SLC35F4: variants seen among roughly 807,000 people sequenced by gnomAD.
The protein encoded by SLC35F4 is chromosome 14 open reading frame 36.
A neutral mutation model predicts 44.2 loss-of-function variants in SLC35F4; 24 were observed. The ratio of observed to expected loss-of-function variants is 0.54; its 90% CI spans 0.39 to 0.76. SLC35F4 has a LOEUF of 0.76. Ranked by LOEUF, SLC35F4 falls within the 30% of genes least tolerant of loss-of-function variation. The pLI is 0.00. For missense variants in SLC35F4, 562 were observed against 586.1 expected, an observed-to-expected ratio of 0.96 and a Z score of 0.42; for synonymous variants, 238 against 223.6, an observed-to-expected ratio of 1.06 and a Z score of -0.57.
intron 1 of SLC35F4, among the ~76,000 whole-genome samples, chr14:57,956,356 A>G (rs888187472): frequency 1.3e-5 from 2 of 152,220 alleles, no homozygotes; most frequent in Admixed American, 1.3e-4. Context: ...AACCTAGGCA[A>G]TACCATTCAG....
At chr14:57,662,500 G>A (rs1224199359) in intron 1 of SLC35F4, among the ~76,000 whole-genome samples, 1 of 152,182 alleles carries the variant, frequency 6.6e-6, no homozygotes, top group Non-Finnish European at 1.5e-5. Flanking sequence ...AGAGCAGGTT[G>A]TTATAAGCCT....
chr14:57,705,625 T>C (rs2075653292), intron 1 of SLC35F4, among the ~76,000 whole-genome samples: 1 of 152,158 alleles, frequency 6.6e-6, no homozygotes, highest in South Asian at 2.1e-4. Context: ...GACCCCAGCT[T>C]GCTCAGGGTT....
At chr14:57,651,322 C>A (rs1230110405) in intron 1 of SLC35F4, among the ~76,000 whole-genome samples, 1 of 152,108 alleles carries the variant, frequency 6.6e-6, no homozygotes, top group Non-Finnish European at 1.5e-5. Context: ...CTGGAGTTTC[C>A]AGTGAGGTAT....
intron 1 of SLC35F4, among the ~76,000 whole-genome samples, chr14:57,741,412 A>C (rs2076604444): frequency 6.6e-6 from 1 of 152,218 alleles, no homozygotes. Flanking sequence ...GATGGAGCTG[A>C]AAACCATGGC....
At chr14:57,693,382 G>A (rs58821588) in intron 1 of SLC35F4, among the ~76,000 whole-genome samples, 22,468 of 151,682 alleles carry the variant, frequency 0.15, 1,892 homozygotes, top group East Asian at 0.29. Context: ...TGGCCATGAC[G>A]CCCACACTGG....
chr14:57,755,091 A>G (rs1183356769), intron 1 of SLC35F4, among the ~76,000 whole-genome samples: 1 of 152,194 alleles, frequency 6.6e-6, no homozygotes, highest in African/African-American at 2.4e-5. Context: ...CTCCTGTCCC[A>G]TGTGGATTGG....
chr14:57,919,060 TTAG>T (rs1454246461), intron 1 of SLC35F4, among the ~76,000 whole-genome samples: 1 of 152,202 alleles, frequency 6.6e-6, no homozygotes, highest in Non-Finnish European at 1.5e-5. Context: ...CAATGGAATG[TTAG>T]TAGAACTGAT....
At chr14:57,922,257 C>T (rs902746371) in intron 1 of SLC35F4, among the ~76,000 whole-genome samples, 1 of 152,160 alleles carries the variant, frequency 6.6e-6, no homozygotes, top group Non-Finnish European at 1.5e-5. Context: ...AATGCAGGTG[C>T]CTGAAATAGA....
At chr14:57,796,171 T>G (rs1009486499) in intron 1 of SLC35F4, among the ~76,000 whole-genome samples, 1 of 152,148 alleles carries the variant, frequency 6.6e-6, no homozygotes, top group African/African-American at 2.4e-5. Context: ...TACATATACC[T>G]CATTTTCTTT....
Position 57,575,062 on chromosome 14 carries a change from G to A in SLC35F4, c.808-3043C>T, listed in dbSNP as rs190212079. 1.3e-4 allele frequency among the ~76,000 whole-genome samples: 20 copies of A among 152,234 alleles called. No homozygotes were observed. The East Asian group carries it at 3.1e-3, about 23-fold the overall frequency. On this transcript the variant is annotated intron_variant, in intron 4 of 7. Coordinates refer to ENST00000556826, the MANE Select transcript of SLC35F4 (RefSeq NM_001306087.2). ...TCCTGGGACACATTAACATCCATGA[G>A]AGGAATTCTTCTGCTGAAAATACAC...
At chr14:57,897,092 C>T (rs557370967) in intron 1 of SLC35F4, among the ~76,000 whole-genome samples, 1 of 152,218 alleles carries the variant, frequency 6.6e-6, no homozygotes, top group African/African-American at 2.4e-5. Flanking sequence ...ACATATTGGT[C>T]CCCAAGGGAT....
intron 3 of SLC35F4, among the ~76,000 whole-genome samples, chr14:57,582,897 G>C (rs1196290641): frequency 6.6e-6 from 1 of 152,176 alleles, no homozygotes; most frequent in Non-Finnish European, 1.5e-5. Flanking sequence ...GGCACAGGGA[G>C]TATAGCCTTA....
intron 1 of SLC35F4, among the ~76,000 whole-genome samples, chr14:57,946,088 T>A (rs1890021255): frequency 6.6e-6 from 1 of 152,190 alleles, no homozygotes; most frequent in African/African-American, 2.4e-5. Flanking sequence ...TGTTTACTCT[T>A]ATGCTTATTT....
chr14:57,886,113 C>G (rs1888638719), intron 1 of SLC35F4, among the ~76,000 whole-genome samples: 1 of 152,152 alleles, frequency 6.6e-6, no homozygotes, highest in African/African-American at 2.4e-5. Flanking sequence ...TTCTGAACAC[C>G]TTATGTGTTT....
At chr14:57,728,369 G>A (rs1419890431) in intron 1 of SLC35F4, among the ~76,000 whole-genome samples, 2 of 135,662 alleles carry the variant, frequency 1.5e-5, no homozygotes, top group South Asian at 2.4e-4. Context: ...ATACTATTTT[G>A]TTTTACTGCA....
chr14:57,733,404 C>A (rs2076391877), intron 1 of SLC35F4, among the ~76,000 whole-genome samples: 1 of 146,404 alleles, frequency 6.8e-6, no homozygotes. Context: ...AAAAACTGGC[C>A]ATACTTCTAA....
At chr14:57,663,154 G>C (rs1165466438) in intron 1 of SLC35F4, among the ~76,000 whole-genome samples, 1 of 152,106 alleles carries the variant, frequency 6.6e-6, no homozygotes, top group Non-Finnish European at 1.5e-5. Flanking sequence ...TTGCCCCTTT[G>C]AGTGTGTCAT....
At chr14:57,875,262 C>T (rs1225095636) in intron 1 of SLC35F4, among the ~76,000 whole-genome samples, 2 of 152,154 alleles carry the variant, frequency 1.3e-5, no homozygotes, top group Non-Finnish European at 2.9e-5. Flanking sequence ...AGGTGATAAG[C>T]ACATGCTATC....
At chr14:57,744,254 G>C (rs1489107624) in intron 1 of SLC35F4, among the ~76,000 whole-genome samples, 1 of 152,086 alleles carries the variant, frequency 6.6e-6, no homozygotes, top group Non-Finnish European at 1.5e-5. Context: ...AGAAATAAAG[G>C]GTATTCAATT....
Sources: gnomAD v4.1 joint callset for allele counts (sites outside exome capture counted in the v4.1 genomes callset) on GRCh38, gnomAD v4.1.1 for gene constraint, MANE v1.5 for transcripts, NCBI Gene and HGNC (gene_info 2026-07-23, HGNC 2026-07-21) for gene names.